Variants in CCDC77 observed in about 807,000 individuals in gnomAD.
CCDC77 encodes the protein coiled-coil domain containing 77.
CCDC77 carries 56 observed loss-of-function variants against 66.8 expected under a neutral mutation model. The observed-to-expected ratio is 0.84, with a 90% CI of 0.68 to 1.05. The LOEUF (loss-of-function observed/expected upper bound fraction) is 1.05. Among genes scored for constraint, CCDC77 ranks in the 50% least tolerant of loss-of-function variants. The probability of loss-of-function intolerance (pLI) is 0.00; values close to 1 mark genes in which losing one functional copy is unlikely to be tolerated. For missense variants in CCDC77, 570 were observed against 576.8 expected, an observed-to-expected ratio of 0.99 and a Z score of 0.12; for synonymous variants, 196 against 195.2, an observed-to-expected ratio of 1.00 and a Z score of -0.03.
chr12:406,305 A>AGCC (rs1182477864), intron 2 of CCDC77, among the ~76,000 whole-genome samples: 1 of 152,230 alleles, frequency 6.6e-6, no homozygotes, highest in African/African-American at 2.4e-5. Context: ...GTGACATTTT[A>AGCC]GCCCTGAAGG....
At chr12:424,324 T>G (rs1230457582) in intron 5 of CCDC77, among the ~76,000 whole-genome samples, 1 of 152,038 alleles carries the variant, frequency 6.6e-6, no homozygotes, top group Non-Finnish European at 1.5e-5. Context: ...TACAGATGCA[T>G]GCAAATATTT....
chr12:407,849 G>A (rs1017218456), intron 2 of CCDC77, among the ~76,000 whole-genome samples: 4 of 145,938 alleles, frequency 2.7e-5, no homozygotes, highest in East Asian at 2.1e-4. Context: ...GTGCAATGGC[G>A]CAATCTCGGC....
chr12:428,200 T>C (rs1945570352), intron 5 of CCDC77, among the ~76,000 whole-genome samples: 1 of 152,004 alleles, frequency 6.6e-6, no homozygotes, highest in Admixed American at 6.6e-5. Context: ...CAGCAGCCAC[T>C]ACCATTCCCT....
At chr12:403,232 T>C (rs1944929173) in intron 1 of CCDC77, among the ~76,000 whole-genome samples, 1 of 152,202 alleles carries the variant, frequency 6.6e-6, no homozygotes, top group South Asian at 2.1e-4. Flanking sequence ...GAGGAAATGA[T>C]AAAGAAACTT....
chr12:418,723 G>A (rs1312678009), intron 5 of CCDC77, 87 bp downstream of exon 5: 1 of 1,426,722 alleles, frequency 7.0e-7, no homozygotes, highest in Non-Finnish European at 9.7e-7. Flanking sequence ...TGATTTAGAG[G>A]CAGTATCACT....
intron 9 of CCDC77, among the ~76,000 whole-genome samples, chr12:435,460 A>AAACCCTATG (rs767114363): frequency 4.6e-5 from 7 of 152,206 alleles, no homozygotes; most frequent in Non-Finnish European, 8.8e-5. Context: ...CCTTAATTCC[A>AAACCCTATG]AACCCTATGA....
At chr12:418,687 A>G in intron 5 of CCDC77, 51 bp downstream of exon 5, 1 of 1,486,134 alleles carries the variant, frequency 6.7e-7, no homozygotes, top group Non-Finnish European at 9.3e-7. Flanking sequence ...AATTACATTC[A>G]TTCATTCATT....
rs1565567928 is a variant in CCDC77, at chr12:415,331, ATATTATGTTAATATAATCAACATAATAT to A, written c.271-3159_271-3132del. Among the ~76,000 whole-genome samples the A allele has an allele frequency of 2.7e-4, 24 of 89,608 alleles. 1 individual carries two copies. The highest frequency in any genetic ancestry group is 3.3e-4 in the Non-Finnish European group (16 of 48,930). The allele number at this position is 89,608 out of a possible 152,430, so 58.8% of individuals were successfully genotyped here. On this transcript the variant is annotated intron_variant, in intron 4 of 12. Coordinates refer to ENST00000239830, the MANE Select transcript of CCDC77 (RefSeq NM_032358.4). ...ATATTATGTTAATATAATCAACATA[ATATTATGTTAATATAATCAACATAATAT>A]TATGTTAATATAATCAACATAATAT...
chr12:440,905 A>C lies in CCDC77; in HGVS notation c.1229A>C (p.Glu410Ala), dbSNP rs1945846515. The change falls in exon 12 of 13, where the codon GAG becomes GCG. Residue 410 changes from glutamate to alanine, a missense_variant. Coordinates refer to ENST00000239830, the MANE Select transcript of CCDC77 (RefSeq NM_032358.4). ...QIMTKRYEALERRRILEVEGF... is the reference protein window; with the variant it reads ...QIMTKRYEALARRRILEVEGF... The stretch of plus-strand genomic sequence containing the variant: ...ATGACAAAACGCTATGAGGCATTGG[A>C]GCGTCGACGTATCCTGGAAGTAGAA... 6.2e-7 allele frequency: 1 copy of C among 1,613,842 alleles called. No individual in the cohort carries two copies. Among genetic ancestry groups the C allele is most frequent in the Non-Finnish European group, 8.5e-7 (1 of 1,180,028 alleles).
At chr12:399,125 C>G (rs1944864875), upstream of CCDC77, among the ~76,000 whole-genome samples, 1 of 151,976 alleles carries the variant, frequency 6.6e-6, no homozygotes, top group South Asian at 2.1e-4. Context: ...TTACTTTGCC[C>G]AGATCCACCA....
intron 10 of CCDC77, among the ~76,000 whole-genome samples, chr12:439,514 C>T (rs943939226): frequency 7.2e-6 from 1 of 138,784 alleles, no homozygotes. Flanking sequence ...AGTGGGACTC[C>T]ATCTCAAAAA....
Position 440,704 on chromosome 12 carries a change from A to G in CCDC77, c.1129A>G (p.Ile377Val), listed in dbSNP as rs144085097. 9 of 1,614,184 alleles carry G rather than the reference A, an allele frequency of 5.6e-6. No homozygotes were observed. The East Asian group carries it at 1.6e-4, about 28-fold the overall frequency. Residue 377 changes from isoleucine (I) to valine (V), a missense_variant, in exon 11 of 13, where the codon ATT (isoleucine) becomes GTT (valine). Physicochemically the swap from Ile to Val is conservative, Grantham distance 29. Coordinates refer to ENST00000239830, the MANE Select transcript of CCDC77 (RefSeq NM_032358.4). Reference sequence around the variant, plus strand: ...TTCCTTAGAAGAAGAACTTGCCCGAATTCGTGAGGAAGAGGGAATGAGGAG... The same window carrying G: ...TTCCTTAGAAGAAGAACTTGCCCGAGTTCGTGAGGAAGAGGGAATGAGGAG... ...CISLEEELAR[I>V]REEEGMRREI...
chr12:426,516 G>T (rs900683711), intron 5 of CCDC77, among the ~76,000 whole-genome samples: 1 of 152,110 alleles, frequency 6.6e-6, no homozygotes, highest in Non-Finnish European at 1.5e-5. Context: ...TTTATTGATC[G>T]TCTTGACTGG....
In CCDC77 at chr12:389,553, G is replaced by GCGAGGCGGGGCGAGGCGCAA. The variant is rs1272637275; in HGVS notation, c.-113+86_-113+105dup. The GCGAGGCGGGGCGAGGCGCAA allele has an allele frequency of 1.0e-3, 272 of 268,930 alleles. 3 individuals carry two copies. Among genetic ancestry groups the GCGAGGCGGGGCGAGGCGCAA allele is most frequent in the Admixed American group, 6.7e-3 (129 of 19,142 alleles). 16.7% of individuals were successfully genotyped at this position (268,930 alleles called of 1,614,324 possible). Reference sequence around the variant, plus strand: ...GTACGGATTGAGGGAAGCCGACGGGGCGAGGCGGGGCGAGGCGCAACGAGG... The same window carrying GCGAGGCGGGGCGAGGCGCAA: ...GTACGGATTGAGGGAAGCCGACGGGGCGAGGCGGGGCGAGGCGCAACGAGGCGGGGCGAGGCGCAACGAGG... On this transcript the variant is annotated intron_variant, in intron 1 of 11. Transcript: ENST00000422000.
chr12:427,060 C>T (rs1237849307), intron 5 of CCDC77, among the ~76,000 whole-genome samples: 1 of 152,050 alleles, frequency 6.6e-6, no homozygotes, highest in East Asian at 1.9e-4. Context: ...GCCTGGCCAA[C>T]ATGGTGAAAC....
At chr12:428,714 G>C (rs910195267) in intron 5 of CCDC77, 55 bp from the exon 6 acceptor site, 1 of 1,197,456 alleles carries the variant, frequency 8.4e-7, no homozygotes, top group African/African-American at 1.6e-5. Context: ...AACAGAAAAA[G>C]GTTACTTACT....
At chr12:389,681 C>T (rs570757105) in intron 1 of CCDC77, among the ~76,000 whole-genome samples, 11 of 143,932 alleles carry the variant, frequency 7.6e-5, no homozygotes, top group African/African-American at 2.5e-4. Context: ...GGTCCCTTTC[C>T]CTTTTGTGTA....
At chr12:416,564 C>T (rs916268343) in intron 4 of CCDC77, among the ~76,000 whole-genome samples, 13 of 149,940 alleles carry the variant, frequency 8.7e-5, no homozygotes, top group Non-Finnish European at 1.8e-4. Flanking sequence ...ATAGGGTGCG[C>T]CACCACACTC....
At chr12:434,643 C>T (rs752732844) in intron 9 of CCDC77, among the ~76,000 whole-genome samples, 7 of 152,336 alleles carry the variant, frequency 4.6e-5, no homozygotes, top group African/African-American at 1.4e-4. Context: ...TGAGCCACCA[C>T]GCCTGGCCTA....
Sources: allele counts gnomAD v4.1 joint callset (sites outside exome capture counted in the v4.1 genomes callset), GRCh38; gene constraint gnomAD v4.1.1; transcripts MANE v1.5; gene names NCBI Gene and HGNC (gene_info 2026-07-23, HGNC 2026-07-21).